The following MMP26 variants were observed in gnomAD, a reference collection of about 807,000 sequenced individuals.
MMP26 encodes the protein matrix metalloproteinase-26.
In MMP26, 33 loss-of-function variants were observed where a neutral mutation model predicts 31.0. That is an observed-to-expected ratio of 1.06 (90% CI 0.81 to 1.42). MMP26 has a LOEUF of 1.42. Among genes scored for constraint, MMP26 ranks in the 40% most tolerant of loss-of-function variants. MMP26 has a pLI of 0.00. For synonymous variants in MMP26, 122 were observed against 114.9 expected (o/e 1.06, Z -0.40); for missense variants, 347 against 316.1 (o/e 1.10, Z -0.74).
intron 2 of MMP26, among the ~76,000 whole-genome samples, chr11:4,873,448 A>G (rs540710039): frequency 6.6e-6 from 1 of 152,226 alleles, no homozygotes; most frequent in South Asian, 2.1e-4. Flanking sequence ...AGATCCACCA[A>G]ATCCACTGTC....
At chr11:4,734,402 C>T (rs935354097) in intron 1 of MMP26, among the ~76,000 whole-genome samples, 1 of 151,966 alleles carries the variant, frequency 6.6e-6, no homozygotes, top group African/African-American at 2.4e-5. Context: ...CTAATCTAAA[C>T]ATTCTTTTAT....
intron 2 of MMP26, among the ~76,000 whole-genome samples, chr11:4,932,256 C>A (rs1312110342): frequency 6.6e-6 from 1 of 152,004 alleles, no homozygotes; most frequent in Non-Finnish European, 1.5e-5. Context: ...AACGGCAGCT[C>A]CAAATTATGT....
intron 2 of MMP26, chr11:4,849,041 G>T: frequency 3.1e-6 from 5 of 1,614,090 alleles, no homozygotes; most frequent in Non-Finnish European, 4.2e-6. Flanking sequence ...GCAGGGCAAT[G>T]ATCCAGAGGA....
At chr11:4,939,563 A>G (rs1054874655) in intron 2 of MMP26, among the ~76,000 whole-genome samples, 1 of 152,202 alleles carries the variant, frequency 6.6e-6, no homozygotes, top group African/African-American at 2.4e-5. Flanking sequence ...CTATTTAAAC[A>G]TTCATGCAAT....
At chr11:4,705,668 G>C (rs1847765705) in intron 1 of MMP26, among the ~76,000 whole-genome samples, 1 of 152,158 alleles carries the variant, frequency 6.6e-6, no homozygotes, top group South Asian at 2.1e-4. Flanking sequence ...ACTCAAGACT[G>C]GTTTAAGAAT....
intron 2 of MMP26, among the ~76,000 whole-genome samples, chr11:4,795,764 G>T (rs1329452701): frequency 2.0e-5 from 3 of 151,220 alleles, no homozygotes; most frequent in African/African-American, 4.9e-5. Context: ...TTATGCACAT[G>T]AAATTAAAAT....
chr11:4,716,654 T>TTTTC (rs1847934614), intron 1 of MMP26, among the ~76,000 whole-genome samples: 1 of 116,906 alleles, frequency 8.6e-6, no homozygotes, highest in Admixed American at 8.8e-5. Context: ...TTACCTCTTT[T>TTTTC]TTTTTTTTTT....
chr11:4,882,783 G>A (rs370874456), intron 2 of MMP26: 2 of 1,613,866 alleles, frequency 1.2e-6, no homozygotes, highest in South Asian at 1.1e-5. Context: ...ATCATTTACA[G>A]CTTGAAGACC....
At chr11:4,810,518 T>C (rs1008130603) in intron 2 of MMP26, among the ~76,000 whole-genome samples, 8 of 152,226 alleles carry the variant, frequency 5.3e-5, no homozygotes, top group African/African-American at 1.9e-4. Context: ...TGAAGGCACA[T>C]GCCTAGCTAC....
chr11:4,927,533 A>C (rs1206654900), intron 2 of MMP26, among the ~76,000 whole-genome samples: 1 of 152,160 alleles, frequency 6.6e-6, no homozygotes, highest in Non-Finnish European at 1.5e-5. Context: ...TTTAGCAAAC[A>C]GCTAAGACTG....
At chr11:4,851,959 A>T (rs1159003936) in intron 2 of MMP26, among the ~76,000 whole-genome samples, 1 of 152,150 alleles carries the variant, frequency 6.6e-6, no homozygotes, top group East Asian at 1.9e-4. Context: ...ATCAATAATC[A>T]CAAAGTGAAT....
At chr11:4,766,701 C>CTCCCTCCCTCCT (rs1554931048) in intron 1 of MMP26, among the ~76,000 whole-genome samples, 3 of 115,202 alleles carry the variant, frequency 2.6e-5, no homozygotes, top group African/African-American at 1.1e-4. Flanking sequence ...CTTTCCCTCC[C>CTCCCTCCCTCCT]TCCCTCCCTC....
chr11:4,714,438 C>T (rs1482430639), intron 1 of MMP26, among the ~76,000 whole-genome samples: 3 of 152,186 alleles, frequency 2.0e-5, no homozygotes, highest in Admixed American at 1.3e-4. Flanking sequence ...ACAGCCACTA[C>T]CACCGTCACA....
chr11:4,979,422 C>T (rs1040133425), intron 2 of MMP26, among the ~76,000 whole-genome samples: 11 of 152,226 alleles, frequency 7.2e-5, no homozygotes, highest in South Asian at 6.2e-4. Context: ...AAATGAACAT[C>T]GTGTCATTTT....
rs192278218 is a variant in MMP26 at position 4,933,459 on chromosome 11, A to C, written c.-144-54609A>C. On this transcript the variant is annotated intron_variant, in intron 2 of 7. Transcript: ENST00000380390. ...GGGATTACAAGGCAATTTACACGGT[A>C]TGTAAAATGATTAAGAAAGACAGAA... 3.5e-3 allele frequency among the ~76,000 whole-genome samples: 484 copies of C among 136,790 alleles called. 1 individual carries two copies. The highest frequency in any genetic ancestry group is 0.017 in the South Asian group (76 of 4,418). 89.7% of individuals were successfully genotyped at this position (136,790 alleles called of 152,430 possible). A position where few individuals can be genotyped will look rare whatever the true frequency, so the allele number is the denominator to read the frequency against.
At chr11:4,768,267 G>T (rs1252485157) in intron 2 of MMP26, among the ~76,000 whole-genome samples, 1 of 152,140 alleles carries the variant, frequency 6.6e-6, no homozygotes, top group Non-Finnish European at 1.5e-5. Context: ...ATTAGCAAGT[G>T]TGCCTCACCC....
chr11:4,866,949 A>G (rs1447889687), intron 2 of MMP26, among the ~76,000 whole-genome samples: 2 of 152,162 alleles, frequency 1.3e-5, no homozygotes, highest in African/African-American at 4.8e-5. Flanking sequence ...TGGACTAAAC[A>G]CTTAAATGTA....
At chr11:4,918,226 C>A (rs1851127539) in intron 2 of MMP26, among the ~76,000 whole-genome samples, 1 of 152,094 alleles carries the variant, frequency 6.6e-6, no homozygotes. Context: ...TCTATAGCTT[C>A]AAGGCACATA....
chr11:4,795,719 T>C (rs1469733073), intron 2 of MMP26, among the ~76,000 whole-genome samples: 1 of 152,192 alleles, frequency 6.6e-6, no homozygotes, highest in Admixed American at 6.5e-5. Flanking sequence ...AATTACTTTA[T>C]TATGCCTGTG....
Sources: allele counts gnomAD v4.1 joint callset (sites outside exome capture counted in the v4.1 genomes callset), GRCh38; gene constraint gnomAD v4.1.1; transcripts MANE v1.5; gene names NCBI Gene and HGNC (gene_info 2026-07-23, HGNC 2026-07-21).